The following MTRR variants were observed in gnomAD, a reference collection of about 807,000 sequenced individuals.
MTRR encodes methionine synthase reductase.
MTRR carries 63 observed loss-of-function variants against 79.2 expected under a neutral mutation model. The ratio of observed to expected loss-of-function variants is 0.80; its 90% CI spans 0.65 to 0.98. MTRR has a LOEUF of 0.98. Among genes scored for constraint, MTRR ranks in the 50% least tolerant of loss-of-function variants. MTRR has a pLI of 0.00. For missense variants in MTRR, 895 were observed against 839.6 expected, an observed-to-expected ratio of 1.07 and a Z score of -0.82; for synonymous variants, 355 against 313.3, an observed-to-expected ratio of 1.13 and a Z score of -1.41.
At position 7,895,818 on chromosome 5, in the gene MTRR, G is replaced by A. The variant is rs1738413262; in HGVS notation, c.1642G>A (p.Gly548Ser). ...CATCATAATGGTGGGTCCAGGAACC[G>A]GCATAGCCCCGTTTATTGGGTTCCT... is the stretch of plus-strand genomic sequence containing the variant. ...IPIIMVGPGT[G>S]IAPFIGFLQH... The change falls in exon 12 of 15, where the codon GGC becomes AGC. Residue 548 changes from glycine (G) to serine (S), a missense_variant. By Grantham distance (56) the Gly-to-Ser change is moderately conservative (BLOSUM62 0). Transcript: ENST00000440940. 8 of 1,614,068 alleles carry A rather than the reference G, an allele frequency of 5.0e-6. No individual in the cohort carries two copies. Among genetic ancestry groups the A allele is most frequent in the South Asian group, 2.2e-5 (2 of 91,080 alleles).
intron 8 of MTRR, among the ~76,000 whole-genome samples, chr5:7,887,793 C>CATACATATAT (rs1736807285): frequency 1.1e-5 from 1 of 92,052 alleles, no homozygotes; most frequent in Non-Finnish European, 2.0e-5. Context: ...TGTGTGTGTG[C>CATACATATAT]ATATATATAT....
At chr5:7,866,070 C>T (rs1746925636), upstream of MTRR, 2 of 955,762 alleles carry the variant, frequency 2.1e-6, no homozygotes, top group East Asian at 2.4e-5. Flanking sequence ...TCAATTTACA[C>T]ACTCCAGACA....
chr5:7,869,339 GC>G, intron 1 of MTRR, 124 bp downstream of exon 1: 1 of 1,141,164 alleles, frequency 8.8e-7, no homozygotes, highest in Non-Finnish European at 1.2e-6. Context: ...ACGCCCTTCG[GC>G]CTCCGGGGGT....
Position 7,900,122 on chromosome 5 carries a change from T to C in MTRR, c.*64T>C, listed in dbSNP as rs327591. On this transcript the variant is annotated 3_prime_UTR_variant, in exon 15 of 15. Transcript: ENST00000440940. The stretch of plus-strand genomic sequence containing the variant: ...TGAAAGTACTAAAAGTCAGCTTTAC[T>C]AGTGCCAAACCTTTAAATTTTCAAA... The C allele has an allele frequency of 1.1e-3, 1,664 of 1,582,768 alleles. 16 individuals carry two copies. The African/African-American group carries it at 0.021, about 20-fold the overall frequency.
chr5:7,863,920 G>A (rs983777158), intron 2 of MTRR, among the ~76,000 whole-genome samples: 1 of 151,932 alleles, frequency 6.6e-6, no homozygotes, highest in Non-Finnish European at 1.5e-5. Flanking sequence ...ACGCGACCTC[G>A]GCTCACTGCA....
chr5:7,899,408 A>G (rs943659115), intron 14 of MTRR, among the ~76,000 whole-genome samples: 10 of 152,200 alleles, frequency 6.6e-5, no homozygotes, highest in East Asian at 1.9e-4. Context: ...CCCTTCTTGT[A>G]AATTGAAGAG....
chr5:7,900,270 ACT>A lies in MTRR; in HGVS notation c.*216_*217del. On this transcript the variant is annotated 3_prime_UTR_variant, in exon 15 of 15. Coordinates refer to ENST00000440940, the MANE Select transcript of MTRR (RefSeq NM_002454.3). ...TATCTACGCCCTTCCTGTGCCTGTG[ACT>A]CTCCCCAAATTGCCCTGTTGCCTTG... 2 of 572,588 alleles carry A rather than the reference ACT, an allele frequency of 3.5e-6. No individual in the cohort carries two copies. The highest frequency in any genetic ancestry group is 4.1e-5 in the South Asian group (2 of 48,656). 35.5% of individuals were successfully genotyped at this position (572,588 alleles called of 1,614,324 possible).
chr5:7,898,524 G>A (rs1301205496), intron 14 of MTRR, among the ~76,000 whole-genome samples: 5 of 152,206 alleles, frequency 3.3e-5, no homozygotes, highest in African/African-American at 9.7e-5. Flanking sequence ...AACATTGATC[G>A]TCCGTCAGGG....
upstream of MTRR, chr5:7,850,984 A>G (rs1746063267): frequency 7.7e-7 from 1 of 1,299,764 alleles, no homozygotes; most frequent in Non-Finnish European, 9.8e-7. Context: ...CTTGCCCCGC[A>G]GCGTGGACGC....
chr5:7,870,780 A>G lies in MTRR; in HGVS notation c.-15A>G. Reference sequence around the variant, plus strand: ...TCCCCCATTTTTCAGTTTCACTGTTACATGCCTTGAAGTGATGAGGAGGTT... The same window carrying G: ...TCCCCCATTTTTCAGTTTCACTGTTGCATGCCTTGAAGTGATGAGGAGGTT... On this transcript the variant is annotated 5_prime_UTR_variant, in exon 2 of 15. Transcript: ENST00000440940. The G allele has an allele frequency of 1.2e-6, 2 of 1,614,206 alleles. No individual in the cohort carries two copies. The highest frequency in any genetic ancestry group is 1.7e-6 in the Non-Finnish European group (2 of 1,180,036).
At chr5:7,851,059 C>A, upstream of MTRR, 1 of 1,235,994 alleles carries the variant, frequency 8.1e-7, no homozygotes, top group Non-Finnish European at 1.0e-6. Flanking sequence ...GGCCGCGGTC[C>A]GTCCCGCCCG....
At chr5:7,859,626 C>T (rs867653099) in intron 1 of MTRR, 33 of 780,760 alleles carry the variant, frequency 4.2e-5, no homozygotes, top group Middle Eastern at 2.3e-4. Flanking sequence ...GTTTCTTACA[C>T]GCTTCCCCAC....
At chr5:7,886,847 G>T in intron 8 of MTRR, 144 bp downstream of exon 8, 1 of 694,220 alleles carries the variant, frequency 1.4e-6, no homozygotes, top group Non-Finnish European at 2.5e-6. Context: ...GTTCCCAAGG[G>T]TGTGTGCTAT....
Position 7,869,196 on chromosome 5 carries a change from G to T in MTRR, c.-45G>T, listed in dbSNP as rs531596693. On this transcript the variant is annotated 5_prime_UTR_variant, in exon 1 of 15. Transcript: ENST00000440940. ...TGGAAGTCGCGTTGTGCAGGTTCGT[G>T]CCCGGCTGGCGCGGCGTGGGTAAGC... The T allele has an allele frequency of 7.3e-5, 117 of 1,609,468 alleles. No homozygotes were observed. The highest frequency in any genetic ancestry group is 4.4e-4 in the South Asian group (40 of 91,082).
chr5:7,869,253 C>T (rs751374976), intron 1 of MTRR, 38 bp downstream of exon 1: 2 of 1,599,016 alleles, frequency 1.3e-6, no homozygotes, highest in South Asian at 2.2e-5. Flanking sequence ...GGATTCCGGC[C>T]GCTCGCCCTG....
intron 14 of MTRR, among the ~76,000 whole-genome samples, chr5:7,899,394 C>T (rs578253898): frequency 2.0e-5 from 3 of 152,274 alleles, no homozygotes; most frequent in South Asian, 2.1e-4. Flanking sequence ...GGAGGGGTAC[C>T]GCCCCCTTCT....
intron 2 of MTRR, chr5:7,862,764 T>G (rs553690613): frequency 2.1e-6 from 3 of 1,419,600 alleles, no homozygotes; most frequent in African/African-American, 1.4e-5. Context: ...GTCCCATATA[T>G]CTCCAAAATC....
At chr5:7,874,986 A>G (rs189349084) in intron 3 of MTRR, among the ~76,000 whole-genome samples, 3 of 152,328 alleles carry the variant, frequency 2.0e-5, no homozygotes, top group East Asian at 1.9e-4. Flanking sequence ...ATTTTTACAC[A>G]TAGTCATGGA....
intron 9 of MTRR, chr5:7,890,508 G>C: frequency 4.0e-6 from 3 of 744,520 alleles, no homozygotes; most frequent in Non-Finnish European, 4.9e-6. Flanking sequence ...TAGAATGTTA[G>C]AATGTTTGTA....
Sources: gnomAD v4.1 joint callset for allele counts (sites outside exome capture counted in the v4.1 genomes callset) on GRCh38, gnomAD v4.1.1 for gene constraint, MANE v1.5 for transcripts, NCBI Gene and HGNC (gene_info 2026-07-23, HGNC 2026-07-21) for gene names.